RILPL1: variants seen among roughly 807,000 people sequenced by gnomAD.
RILPL1 encodes the protein RILP-like protein 1.
Under a neutral mutation model 50.3 loss-of-function variants are expected in RILPL1, and 33 were observed. The observed-to-expected ratio is 0.66, with a 90% confidence interval of 0.50 to 0.88. The LOEUF (loss-of-function observed/expected upper bound fraction) is 0.88. RILPL1 is among the 40% of genes least tolerant of loss of function. The probability of loss-of-function intolerance (pLI) is 0.00; values close to 1 mark genes in which losing one functional copy is unlikely to be tolerated. For missense variants in RILPL1, 418 were observed against 542.5 expected (o/e 0.77, Z 2.28); for synonymous variants, 205 against 228.6 (o/e 0.90, Z 0.93).
intron 2 of RILPL1, among the ~76,000 whole-genome samples, chr12:123,505,771 A>T (rs1344622141): frequency 1.3e-5 from 2 of 152,058 alleles, no homozygotes; most frequent in Non-Finnish European, 2.9e-5. Context: ...ATAAAGATGC[A>T]CCACTACAGC....
At chr12:123,502,938 A>G (rs932913816) in intron 2 of RILPL1, among the ~76,000 whole-genome samples, 7 of 151,764 alleles carry the variant, frequency 4.6e-5, no homozygotes, top group Admixed American at 3.3e-4. Context: ...CCCAGGCTGG[A>G]GTGCAGTGGT....
In RILPL1 at chr12:123,533,624, A is replaced by AGCGGGCG. The variant is rs1427286475; in HGVS notation, c.-149_-143dup. On this transcript the variant is annotated 5_prime_UTR_variant, in exon 1 of 7. Transcript: ENST00000376874. The surrounding 1 kb of genome is among the most constrained non-coding windows in gnomAD (Gnocchi z 6.2). ...GCGCTGGGGCGAGGGCGCAGCGGGC[A>AGCGGGCG]GCGGGCGGCGGGCGCGGGCGCGGGC... The AGCGGGCG allele has an allele frequency of 1.2e-5, 6 of 496,360 alleles. No homozygotes were observed. In the East Asian group the frequency reaches 6.2e-4, roughly 51 times the overall value. The allele number at this position is 496,360 out of a possible 1,614,324, so 30.7% of individuals were successfully genotyped here.
chr12:123,504,622 C>T (rs976724388), intron 2 of RILPL1, among the ~76,000 whole-genome samples: 1 of 152,148 alleles, frequency 6.6e-6, no homozygotes, highest in Non-Finnish European at 1.5e-5. Context: ...CAAAGGGCAA[C>T]GTACTCCTGC....
chr12:123,485,400 C>T lies in RILPL1; in HGVS notation c.974+233G>A, dbSNP rs192787146. Among the ~76,000 whole-genome samples, 15 of 152,280 alleles carry T rather than the reference C, an allele frequency of 9.9e-5. No homozygotes were observed. The highest frequency in any genetic ancestry group is 8.3e-4 in the South Asian group (4 of 4,824). On this transcript the variant is annotated intron_variant, in intron 5 of 6. Coordinates refer to ENST00000376874, the MANE Select transcript of RILPL1 (RefSeq NM_178314.5). This position sits in a 1 kb window ranked among gnomAD's most constrained non-coding sequence, Gnocchi z 4.0. ...CTGGGATCAAGCAATCTTCCCGCCT[C>T]GGCCTCCCAAAATACTGGAATTAAA...
At chr12:123,475,572 C>G in intron 6 of RILPL1, 1 of 809,880 alleles carries the variant, frequency 1.2e-6, no homozygotes, top group South Asian at 1.4e-5. Flanking sequence ...GCTTAAGTGG[C>G]CAGGGGGAGA....
At position 123,484,183 on chromosome 12, in the gene RILPL1, C is replaced by T. The variant is rs753624428; in HGVS notation, c.1064G>A (p.Arg355Gln). The T allele has an allele frequency of 2.5e-6, 4 of 1,601,266 alleles. No homozygotes were observed. The highest frequency in any genetic ancestry group is 1.7e-5 in the Admixed American group (1 of 59,834). ...TSPQPESGIK[R>Q]LFSFFSRDKK... ...AAGCTGGCAGCGCATCACTTACAGT[C>T]GCTTGATGCCCGACTCCGGCTGGGG... Residue 355 changes from arginine to glutamine, a missense_variant, in exon 6 of 7, where the codon CGA (arginine) becomes CAA (glutamine). Coordinates refer to ENST00000376874, the MANE Select transcript of RILPL1 (RefSeq NM_178314.5).
chr12:123,494,179 T>C (rs1345240269), intron 4 of RILPL1, among the ~76,000 whole-genome samples: 1 of 152,180 alleles, frequency 6.6e-6, no homozygotes, highest in Non-Finnish European at 1.5e-5. Flanking sequence ...GTCAAGCTCA[T>C]TCCCCTCACT....
chr12:123,531,171 G>C (rs1342051592), intron 1 of RILPL1, among the ~76,000 whole-genome samples: 1 of 151,862 alleles, frequency 6.6e-6, no homozygotes, highest in Non-Finnish European at 1.5e-5. Flanking sequence ...TGAAGTAAAC[G>C]GGTCTGGGGC....
intron 2 of RILPL1, 22 bp downstream of exon 2, chr12:123,523,473 A>G: frequency 1.2e-6 from 2 of 1,613,790 alleles, no homozygotes; most frequent in Non-Finnish European, 1.7e-6. Context: ...GCCCCCTTGC[A>G]TTGGCGCCGA....
chr12:123,513,951 G>C (rs1416041559), intron 2 of RILPL1: 1 of 152,212 alleles, frequency 6.6e-6, no homozygotes, highest in African/African-American at 2.4e-5. Flanking sequence ...GCACTGTCCA[G>C]GCAGTGGGAC....
In RILPL1 at chr12:123,506,291, G is replaced by A. The variant is rs887872253; in HGVS notation, c.461-6755C>T. ...GGATGAGGGCAATGCGGGCTGAGGC[G>A]CAGAGGCCATGGGGGTGATGCACGC... On this transcript the variant is annotated intron_variant, in intron 2 of 6. Coordinates refer to ENST00000376874, the MANE Select transcript of RILPL1 (RefSeq NM_178314.5). Among the ~76,000 whole-genome samples, 8 of 152,214 alleles carry A rather than the reference G, an allele frequency of 5.3e-5. 1 individual carries two copies. The highest frequency in any genetic ancestry group is 1.2e-4 in the Non-Finnish European group (8 of 68,034).
chr12:123,520,538 G>A (rs550360161), intron 2 of RILPL1, among the ~76,000 whole-genome samples: 3 of 152,312 alleles, frequency 2.0e-5, no homozygotes, highest in Non-Finnish European at 2.9e-5. Context: ...CAGCCTGGTC[G>A]ACGGAGTGAG....
At chr12:123,507,690 C>A (rs1257563008) in intron 2 of RILPL1, among the ~76,000 whole-genome samples, 2 of 151,940 alleles carry the variant, frequency 1.3e-5, no homozygotes, top group Admixed American at 1.3e-4. Context: ...GCCTGTAATC[C>A]CAGCACTTTG....
intron 4 of RILPL1, among the ~76,000 whole-genome samples, chr12:123,497,052 T>C (rs1325428535): frequency 6.6e-6 from 1 of 152,234 alleles, no homozygotes; most frequent in East Asian, 1.9e-4. Context: ...CACTGGCCTT[T>C]TGGGCCTGGC....
intron 2 of RILPL1, among the ~76,000 whole-genome samples, chr12:123,518,603 C>T (rs1052890048): frequency 6.6e-6 from 1 of 151,264 alleles, no homozygotes; most frequent in African/African-American, 2.4e-5. Context: ...CACATATACA[C>T]ACATACATAC....
chr12:123,516,033 C>CAAAAAAAAAA (rs749657516), intron 2 of RILPL1, among the ~76,000 whole-genome samples: 6 of 36,188 alleles, frequency 1.7e-4, no homozygotes, highest in Admixed American at 3.4e-4. Flanking sequence ...GACTCTGTCT[C>CAAAAAAAAAA]AAAAAAAAAA....
intron 4 of RILPL1, among the ~76,000 whole-genome samples, chr12:123,497,460 C>A (rs1245285373): frequency 6.6e-6 from 1 of 152,154 alleles, no homozygotes; most frequent in Non-Finnish European, 1.5e-5. Context: ...GCAATCTCAG[C>A]TCACTGCAAC....
At chr12:123,521,708 TAAATATATATATACACAC>T (rs1885063067) in intron 2 of RILPL1, among the ~76,000 whole-genome samples, 1 of 93,826 alleles carries the variant, frequency 1.1e-5, no homozygotes, top group Non-Finnish European at 2.1e-5. Context: ...TATATATATA[TAAATATATATATACACAC>T]ATATATGTAT....
chr12:123,528,426 G>GT (rs1885333580), intron 1 of RILPL1, among the ~76,000 whole-genome samples: 1 of 125,258 alleles, frequency 8.0e-6, no homozygotes, highest in Admixed American at 9.3e-5. Context: ...TTTTTTTGTT[G>GT]TTGTTTGTTT....
Sources: gnomAD v4.1 joint callset for allele counts (sites outside exome capture counted in the v4.1 genomes callset) on GRCh38, gnomAD v4.1.1 for gene constraint, Gnocchi (gnomAD v3.1) non-coding constraint, MANE v1.5 for transcripts, NCBI Gene and HGNC (gene_info 2026-07-23, HGNC 2026-07-21) for gene names.